Variants in CLCF1 observed in about 807,000 individuals in gnomAD.
CLCF1 encodes cardiotrophin-like cytokine factor 1.
CLCF1 carries 10 observed loss-of-function variants against 21.2 expected under a neutral mutation model. That is an observed-to-expected ratio of 0.47 (90% CI 0.29 to 0.80). CLCF1 has a LOEUF of 0.80. Ranked by LOEUF, CLCF1 falls within the 30% of genes least tolerant of loss-of-function variation. The pLI is 0.09. For synonymous variants in CLCF1, 115 were observed against 120.5 expected (o/e 0.95, Z 0.30); for missense variants, 240 against 293.4 (o/e 0.82, Z 1.33).
At position 67,373,541 on chromosome 11, in the gene CLCF1, G is replaced by A; in HGVS notation, c.-2C>T. The A allele has an allele frequency of 4.9e-6, 7 of 1,415,470 alleles. No homozygotes were observed. The highest frequency in any genetic ancestry group is 6.4e-6 in the Non-Finnish European group (7 of 1,087,390). The allele number at this position is 1,415,470 out of a possible 1,614,324, so 87.7% of individuals were successfully genotyped here. ...GCTCCTACCTGCTCGGAGGTCCATG[G>A]GGCTGGGGCCGGGCCGGCCGGGTGC... On this transcript the variant is annotated 5_prime_UTR_variant, in exon 1 of 3. Coordinates refer to ENST00000312438, the MANE Select transcript of CLCF1 (RefSeq NM_013246.3).
At chr11:67,368,867 G>A in intron 1 of CLCF1, 2 of 982,184 alleles carry the variant, frequency 2.0e-6, no homozygotes, top group Non-Finnish European at 2.4e-6. Context: ...GCTTGAATAG[G>A]TGTGAGGTCA....
chr11:67,371,711 G>C (rs1862238065), intron 1 of CLCF1, among the ~76,000 whole-genome samples: 1 of 152,112 alleles, frequency 6.6e-6, no homozygotes. Context: ...GGCAGTGGTG[G>C]GTGAATTGGA....
chr11:67,370,402 G>A, intron 1 of CLCF1: 1 of 981,264 alleles, frequency 1.0e-6, no homozygotes, highest in Non-Finnish European at 1.2e-6. Flanking sequence ...ACCAGTCCTG[G>A]CCCCCAGCCC....
In CLCF1 at chr11:67,372,650, C is replaced by G. The variant is rs1862263957; in HGVS notation, c.16+874G>C. On this transcript the variant is annotated intron_variant, in intron 1 of 2. Coordinates refer to ENST00000312438, the MANE Select transcript of CLCF1 (RefSeq NM_013246.3). The surrounding 1 kb of genome is among the most constrained non-coding windows in gnomAD (Gnocchi z 5.9). ...CGGGGGCGGGGGCGGGGGCGGGGTC[C>G]GGGGCACCGGGCTCCGGGCTCTGCC... 2.8e-5 allele frequency among the ~76,000 whole-genome samples: 4 copies of G among 141,834 alleles called. No homozygotes were observed. Among genetic ancestry groups the G allele is most frequent in the Admixed American group, 2.1e-4 (3 of 14,388 alleles). The allele number at this position is 141,834 out of a possible 152,430, so 93.0% of individuals were successfully genotyped here.
Position 67,365,073 on chromosome 11 carries a change from G to T in CLCF1, c.*63C>A. 2 of 1,608,788 alleles carry T rather than the reference G, an allele frequency of 1.2e-6. No individual in the cohort carries two copies. The highest frequency in any genetic ancestry group is 2.2e-5 in the East Asian group (1 of 44,882). On this transcript the variant is annotated 3_prime_UTR_variant, in exon 3 of 3. Coordinates refer to ENST00000312438, the MANE Select transcript of CLCF1 (RefSeq NM_013246.3). The surrounding 1 kb of genome is among the most constrained non-coding windows in gnomAD (Gnocchi z 5.0). The stretch of plus-strand genomic sequence containing the variant: ...CTGGCTCAACAGGTGTTGGCATACA[G>T]GGCTGGCTCTCACAAAGTGGGAGCA...
intron 1 of CLCF1, chr11:67,371,119 C>T: frequency 1.0e-6 from 1 of 982,336 alleles, no homozygotes; most frequent in Non-Finnish European, 1.2e-6. Flanking sequence ...CGGTAGGAAA[C>T]TGCCCCAGGG....
At chr11:67,368,148 C>T in intron 1 of CLCF1, 1 of 985,414 alleles carries the variant, frequency 1.0e-6, no homozygotes, top group Non-Finnish European at 1.2e-6. Flanking sequence ...CAAGAACAGA[C>T]TCACCCATAG....
rs1205487567 is a variant in CLCF1, at chr11:67,364,487, G to A, written c.*649C>T. On this transcript the variant is annotated 3_prime_UTR_variant, in exon 3 of 3. Coordinates refer to ENST00000312438, the MANE Select transcript of CLCF1 (RefSeq NM_013246.3). ...ATTCGAGGCAAGGTCCTGATGCTCA[G>A]CTCGGGTTTTGTTTGCCACTCTGTG... 1 of 152,768 alleles carries A rather than the reference G, an allele frequency of 6.5e-6. No homozygotes were observed. The highest frequency in any genetic ancestry group is 6.5e-5 in the Admixed American group (1 of 15,302). 9.5% of individuals were successfully genotyped at this position (152,768 alleles called of 1,614,324 possible). A position where few individuals can be genotyped will look rare whatever the true frequency, so the allele number is the denominator to read the frequency against.
chr11:67,370,120 G>C (rs1418620584), intron 1 of CLCF1: 19 of 985,416 alleles, frequency 1.9e-5, no homozygotes, highest in East Asian at 1.1e-4. Context: ...AAAAGAAAGG[G>C]GGGGTAGAAG....
In CLCF1 at chr11:67,365,252, G is replaced by C. The variant is rs974692330; in HGVS notation, c.562C>G (p.Leu188Val). ...FLQKMDDFWL[L>V]KELQTWLWRS... is the part of the protein sequence containing the mutation. ...CACAGCCAGGTCTGCAGCTCCTTCA[G>C]CAGCCAGAAGTCGTCCATCTTCTGG... The change falls in exon 3 of 3, where the codon CTG becomes GTG. Residue 188 changes from leucine (L) to valine (V), a missense_variant. By Grantham distance (32) the Leu-to-Val change is conservative. Coordinates refer to ENST00000312438, the MANE Select transcript of CLCF1 (RefSeq NM_013246.3). The surrounding 1 kb of genome is among the most constrained non-coding windows in gnomAD (Gnocchi z 5.0). 4.3e-6 allele frequency: 7 copies of C among 1,614,022 alleles called. No individual in the cohort carries two copies. The highest frequency in any genetic ancestry group is 5.9e-6 in the Non-Finnish European group (7 of 1,180,032).
At chr11:67,367,407 T>C (rs1862133737) in intron 2 of CLCF1, 53 bp downstream of exon 2, 2 of 1,613,308 alleles carry the variant, frequency 1.2e-6, no homozygotes, top group Non-Finnish European at 1.7e-6. Context: ...GGACTGTCTT[T>C]CCCCAACTCC....
intron 1 of CLCF1, among the ~76,000 whole-genome samples, chr11:67,373,021 T>G (rs1862272846): frequency 6.7e-6 from 1 of 148,968 alleles, no homozygotes; most frequent in African/African-American, 2.5e-5. Context: ...CGCCCGCCCT[T>G]CCTCCCGCCC....
At chr11:67,366,256 G>C (rs1223948109) in intron 2 of CLCF1, among the ~76,000 whole-genome samples, 1 of 152,116 alleles carries the variant, frequency 6.6e-6, no homozygotes, top group Non-Finnish European at 1.5e-5. Flanking sequence ...ATTTGGCAGG[G>C]AAAGCCAGGA....
Position 67,369,906 on chromosome 11 carries a change from A to G in CLCF1, c.17-2280T>C, listed in dbSNP as rs1278498320. ...AGGGGGAGAAGCCTTTGGATAGACA[A>G]GAACTAAGTCATCTGGGCAGAAAAA... On this transcript the variant is annotated intron_variant, in intron 1 of 2. Coordinates refer to ENST00000312438, the MANE Select transcript of CLCF1 (RefSeq NM_013246.3). 4.1e-6 allele frequency: 4 copies of G among 980,504 alleles called. No individual in the cohort carries two copies. In the East Asian group the frequency reaches 4.6e-4, roughly 112 times the overall value. 60.7% of individuals were successfully genotyped at this position (980,504 alleles called of 1,614,324 possible).
rs759391139 is a variant in CLCF1, at chr11:67,367,646, G to A, written c.17-20C>T. On this transcript the variant is annotated intron_variant, in intron 1 of 2. Coordinates refer to ENST00000312438, the MANE Select transcript of CLCF1 (RefSeq NM_013246.3). ...AGTCCCCTGTGGGCAGGATGGACGAGAAGCATGAGCGCGGCCCGGGCCCAC... is the reference window on the plus strand; with the variant it reads ...AGTCCCCTGTGGGCAGGATGGACGAAAAGCATGAGCGCGGCCCGGGCCCAC... 3.7e-6 allele frequency: 6 copies of A among 1,610,530 alleles called. No individual in the cohort carries two copies. In the African/African-American group the frequency reaches 8.0e-5, roughly 22 times the overall value.
intron 1 of CLCF1, chr11:67,370,422 C>G: frequency 1.0e-6 from 1 of 985,166 alleles, no homozygotes; most frequent in Non-Finnish European, 1.2e-6. Context: ...CGGCCCCCGC[C>G]CCAGCTCTGC....
chr11:67,371,754 G>C (rs184002218), intron 1 of CLCF1, among the ~76,000 whole-genome samples: 1 of 152,156 alleles, frequency 6.6e-6, no homozygotes, highest in Non-Finnish European at 1.5e-5. Flanking sequence ...GCGTGGGGGG[G>C]GAGGAGAGTG....
At chr11:67,367,435 C>A in intron 2 of CLCF1, 25 bp downstream of exon 2, 1 of 1,614,138 alleles carries the variant, frequency 6.2e-7, no homozygotes, top group South Asian at 1.1e-5. Flanking sequence ...TCCCCAACTC[C>A]CAGATTCCTA....
chr11:67,369,604 G>A, intron 1 of CLCF1: 4 of 985,434 alleles, frequency 4.1e-6, no homozygotes, highest in Non-Finnish European at 4.8e-6. Flanking sequence ...GGAGATTGGA[G>A]ACCTGCTGAA....
Sources: gnomAD v4.1 joint callset for allele counts (sites outside exome capture counted in the v4.1 genomes callset) on GRCh38, gnomAD v4.1.1 for gene constraint, Gnocchi (gnomAD v3.1) non-coding constraint, MANE v1.5 for transcripts, NCBI Gene and HGNC (gene_info 2026-07-23, HGNC 2026-07-21) for gene names.